The following MPHOSPH9 variants were observed in gnomAD, a reference collection of about 807,000 sequenced individuals.
MPHOSPH9 encodes the protein M-phase phosphoprotein 9.
MPHOSPH9 carries 88 observed loss-of-function variants against 145.5 expected under a neutral mutation model. The ratio of observed to expected loss-of-function variants is 0.60; its 90% CI spans 0.51 to 0.72. MPHOSPH9 has a LOEUF of 0.72. Among genes scored for constraint, MPHOSPH9 ranks in the 30% least tolerant of loss-of-function variants. The probability of loss-of-function intolerance (pLI) is 0.00; values close to 1 mark genes in which losing one functional copy is unlikely to be tolerated. For missense variants in MPHOSPH9, 1,238 were observed against 1,386.6 expected (o/e 0.89, Z 1.70); for synonymous variants, 435 against 486.2 (o/e 0.89, Z 1.39).
At chr12:123,224,110 TTA>T (rs147637276) in intron 3 of MPHOSPH9, among the ~76,000 whole-genome samples, 15,863 of 120,268 alleles carry the variant, frequency 0.13, 3,250 homozygotes, top group African/African-American at 0.44. Context: ...AATTGCTAAT[TTA>T]TATATATATA....
rs372132815 is a variant in MPHOSPH9, at chr12:123,221,496, T to C, written c.748A>G (p.Ile250Val). 1.2e-6 allele frequency: 2 copies of C among 1,614,048 alleles called. No homozygotes were observed. Among genetic ancestry groups the C allele is most frequent in the African/African-American group, 2.7e-5 (2 of 74,942 alleles). Residue 250 changes from isoleucine to valine, a missense_variant, in exon 5 of 24, where the codon ATA becomes GTA. Ile to Val is a conservative substitution (Grantham distance 29, BLOSUM62 3). Around this residue, in one of 3 missense-constraint regions of MPHOSPH9, gnomAD observed 837 missense variants for 897.5 expected, o/e 0.93. Transcript: ENST00000606320. ...VDGVKNENFY[I>V]QTPEECHVSL... ...ACATGACACTCTTCAGGAGTCTGTATATAAAAATTCTCATTTTTCACACCA... is the reference window on the plus strand; with the variant it reads ...ACATGACACTCTTCAGGAGTCTGTACATAAAAATTCTCATTTTTCACACCA...
intron 13 of MPHOSPH9, among the ~76,000 whole-genome samples, chr12:123,193,445 C>T (rs775877298): frequency 3.3e-5 from 5 of 152,070 alleles, no homozygotes; most frequent in Non-Finnish European, 7.3e-5. Context: ...AGCCTAAATA[C>T]TTTCAGATTA....
intron 18 of MPHOSPH9, 83 bp from the exon 19 acceptor site, chr12:123,164,173 G>A: frequency 7.0e-7 from 1 of 1,436,694 alleles, no homozygotes. Flanking sequence ...TTAACAGGTG[G>A]TTACACATGG....
chr12:123,157,594 C>A (rs550579393), intron 23 of MPHOSPH9, among the ~76,000 whole-genome samples: 1 of 152,268 alleles, frequency 6.6e-6, no homozygotes, highest in African/African-American at 2.4e-5. Context: ...AATCCTTCCA[C>A]CTTAGCCTCT....
In MPHOSPH9 at chr12:123,155,022, A is replaced by G. The variant is rs901012182; in HGVS notation, c.*1785T>C. The G allele has an allele frequency of 4.0e-5, 6 of 150,680 alleles. No homozygotes were observed. Among genetic ancestry groups the G allele is most frequent in the Admixed American group, 1.3e-4 (2 of 15,110 alleles). 9.3% of individuals were successfully genotyped at this position (150,680 alleles called of 1,614,324 possible). A position where few individuals can be genotyped will look rare whatever the true frequency, so the allele number is the denominator to read the frequency against. On this transcript the variant is annotated 3_prime_UTR_variant, in exon 24 of 24. Transcript: ENST00000606320. The stretch of plus-strand genomic sequence containing the variant: ...AAAAAAAAAAGATATATACATACAC[A>G]CACACACATAGACATATACACACAC...
At chr12:123,178,068 G>A (rs2044962327) in intron 15 of MPHOSPH9, among the ~76,000 whole-genome samples, 1 of 152,086 alleles carries the variant, frequency 6.6e-6, no homozygotes, top group African/African-American at 2.4e-5. Flanking sequence ...AAGAGATGAG[G>A]TCTCGCTCGG....
chr12:123,235,420 G>A (rs565071879), upstream of MPHOSPH9, among the ~76,000 whole-genome samples: 5 of 152,134 alleles, frequency 3.3e-5, no homozygotes, highest in Non-Finnish European at 5.9e-5. Flanking sequence ...GTGTGTGTGT[G>A]TGTGACAGAG....
Position 123,156,110 on chromosome 12 carries a change from C to A in MPHOSPH9, c.*697G>T, listed in dbSNP as rs779044842. On this transcript the variant is annotated 3_prime_UTR_variant, in exon 24 of 24. Coordinates refer to ENST00000606320, the MANE Select transcript of MPHOSPH9 (RefSeq NM_022782.4). The stretch of plus-strand genomic sequence containing the variant: ...TCAGAACAATGGGCAGAGAGCTACT[C>A]TGAGAGCCCTCCAGAGAGGGCTCTC... 6.6e-6 allele frequency: 1 copy of A among 152,196 alleles called. No individual in the cohort carries two copies. Among genetic ancestry groups the A allele is most frequent in the Non-Finnish European group, 1.5e-5 (1 of 68,048 alleles). 9.4% of individuals were successfully genotyped at this position (152,196 alleles called of 1,614,324 possible). A position where few individuals can be genotyped will look rare whatever the true frequency, so the allele number is the denominator to read the frequency against.
intron 15 of MPHOSPH9, among the ~76,000 whole-genome samples, chr12:123,178,215 T>C (rs2044970210): frequency 3.9e-5 from 6 of 152,232 alleles, no homozygotes; most frequent in Admixed American, 3.9e-4. Context: ...CTTGTTCTTT[T>C]AAGCTCTGTG....
chr12:123,161,948 A>C (rs928700081), intron 21 of MPHOSPH9, among the ~76,000 whole-genome samples, 167 bp downstream of exon 21: 1 of 152,248 alleles, frequency 6.6e-6, no homozygotes, highest in Non-Finnish European at 1.5e-5. Flanking sequence ...TGAGGATAAC[A>C]ACATTGACAT....
intron 8 of MPHOSPH9, among the ~76,000 whole-genome samples, chr12:123,204,285 A>G (rs957640563): frequency 1.3e-4 from 19 of 145,610 alleles, no homozygotes. Context: ...CTGCGCAACA[A>G]GAGCGAAACT....
chr12:123,164,143 G>T, intron 18 of MPHOSPH9, 53 bp from the exon 19 acceptor site: 1 of 1,605,996 alleles, frequency 6.2e-7, no homozygotes, highest in Non-Finnish European at 8.5e-7. Context: ...ACAAGCCTAC[G>T]CTTCAGTTAT....
intron 3 of MPHOSPH9, among the ~76,000 whole-genome samples, chr12:123,224,108 A>ATT (rs1239610109): frequency 3.5e-4 from 35 of 98,712 alleles, no homozygotes; most frequent in East Asian, 1.6e-3. Flanking sequence ...CTAATTGCTA[A>ATT]TTTATATATA....
At position 123,163,124 on chromosome 12, in the gene MPHOSPH9, C is replaced by T. The variant is rs768966651; in HGVS notation, c.2919G>A (p.Glu973=). Residue 973 remains glutamate, a synonymous_variant, in exon 20 of 24, where the codon GAG becomes GAA. Transcript: ENST00000606320. ...NRKSSTPTKR[E]IMLTPVTVAY... ...CCACAGTCACTGGTGTTAGCATAAT[C>T]TCTCTTTTTGCTATAGAAGAAAATG... 2.5e-6 allele frequency: 4 copies of T among 1,579,950 alleles called. No homozygotes were observed. The African/African-American group carries it at 5.5e-5, about 22-fold the overall frequency.
At chr12:123,218,180 C>T (rs980884441) in intron 6 of MPHOSPH9, among the ~76,000 whole-genome samples, 196 bp downstream of exon 6, 5 of 151,830 alleles carry the variant, frequency 3.3e-5, no homozygotes, top group Admixed American at 6.6e-5. Context: ...TGAAGTGAGC[C>T]GAGATCACGT....
chr12:123,197,974 C>T (rs1419616355), intron 12 of MPHOSPH9, among the ~76,000 whole-genome samples: 2 of 151,226 alleles, frequency 1.3e-5, no homozygotes, highest in African/African-American at 4.9e-5. Flanking sequence ...GTCCCAGCTA[C>T]TCAGGAGGCT....
At chr12:123,209,475 C>A (rs1403925032) in intron 8 of MPHOSPH9, among the ~76,000 whole-genome samples, 1 of 151,800 alleles carries the variant, frequency 6.6e-6, no homozygotes, top group African/African-American at 2.4e-5. Context: ...GGCACAATCT[C>A]GGTTCAGTGC....
At chr12:123,152,436 A>G (rs2043793781), downstream of MPHOSPH9, 2 of 378,808 alleles carry the variant, frequency 5.3e-6, no homozygotes, top group Non-Finnish European at 1.1e-5. Context: ...TTCAGAAACA[A>G]CTGCAGCAAG....
chr12:123,223,094 T>C lies in MPHOSPH9; in HGVS notation c.292A>G (p.Lys98Glu). 1 of 1,483,150 alleles carries C rather than the reference T, an allele frequency of 6.7e-7. No individual in the cohort carries two copies. The highest frequency in any genetic ancestry group is 8.9e-7 in the Non-Finnish European group (1 of 1,125,874). The allele number at this position is 1,483,150 out of a possible 1,614,324, so 91.9% of individuals were successfully genotyped here. ...GCAACTATCTGTTCTTGGCATTGTT[T>C]TTCCACCAAATTGAATAGCTGTAAC... is the stretch of plus-strand genomic sequence containing the variant. ...RWLQLFNLVE[K>E]QCQEQIVAQQ... The change falls in exon 4 of 24, where the codon AAA (lysine) becomes GAA (glutamate). Residue 98 changes from lysine to glutamate, a missense_variant. Lys to Glu is a moderately conservative substitution (Grantham distance 56, BLOSUM62 1). This residue lies in a region of MPHOSPH9 where 837 missense variants were observed against 897.5 expected (regional missense o/e 0.93). Coordinates refer to ENST00000606320, the MANE Select transcript of MPHOSPH9 (RefSeq NM_022782.4).
Sources: gnomAD v4.1 joint callset for allele counts (sites outside exome capture counted in the v4.1 genomes callset) on GRCh38, gnomAD v4.1.1 for gene constraint, gnomAD v4.1.1 regional missense constraint, MANE v1.5 for transcripts, NCBI Gene and HGNC (gene_info 2026-07-23, HGNC 2026-07-21) for gene names.